The following ARMH3 variants were observed in gnomAD, a reference collection of about 807,000 sequenced individuals.
ARMH3 encodes armadillo-like helical domain-containing protein 3.
Under a neutral mutation model 99.1 loss-of-function variants are expected in ARMH3, and 60 were observed. That is an observed-to-expected ratio of 0.61 (90% CI 0.49 to 0.75). The LOEUF (loss-of-function observed/expected upper bound fraction) is 0.75. ARMH3 is among the 30% of genes least tolerant of loss of function. The pLI is 0.00. For missense variants in ARMH3, 679 were observed against 843.1 expected, an observed-to-expected ratio of 0.81 and a Z score of 2.41; for synonymous variants, 285 against 292.8, an observed-to-expected ratio of 0.97 and a Z score of 0.27.
chr10:101,944,970 CT>C (rs896973343), intron 22 of ARMH3, among the ~76,000 whole-genome samples: 4 of 152,178 alleles, frequency 2.6e-5, no homozygotes, highest in African/African-American at 9.6e-5. Flanking sequence ...ACAAAAATAT[CT>C]TTTTAAAAAA....
intron 24 of ARMH3, among the ~76,000 whole-genome samples, chr10:101,866,816 C>T (rs1320839330): frequency 6.6e-6 from 1 of 152,080 alleles, no homozygotes; most frequent in East Asian, 1.9e-4. Context: ...GGAGAAGCAG[C>T]CTCTGCCAAC....
intron 24 of ARMH3, among the ~76,000 whole-genome samples, chr10:101,885,970 T>C (rs1352151907): frequency 6.6e-6 from 1 of 151,892 alleles, no homozygotes. Flanking sequence ...CGCAGGAGAA[T>C]TGATTGAACC....
At chr10:101,860,082 C>T (rs1030245018) in intron 24 of ARMH3, among the ~76,000 whole-genome samples, 14 of 151,792 alleles carry the variant, frequency 9.2e-5, no homozygotes, top group Non-Finnish European at 1.8e-4. Context: ...GGAAAAAAAA[C>T]GGGGAAAGGG....
chr10:102,017,600 T>A (rs991404793), intron 8 of ARMH3, among the ~76,000 whole-genome samples: 1 of 152,160 alleles, frequency 6.6e-6, no homozygotes, highest in Non-Finnish European at 1.5e-5. Flanking sequence ...TCTTTAACTA[T>A]CCTCAGCATT....
At chr10:102,023,386 C>T (rs1278378952) in intron 8 of ARMH3, 91 bp downstream of exon 8, 48 of 1,143,444 alleles carry the variant, frequency 4.2e-5, no homozygotes, top group Non-Finnish European at 5.7e-5. Flanking sequence ...TTACCAAGAA[C>T]GTCTTCTACA....
At chr10:102,040,907 C>A (rs1225504499) in intron 1 of ARMH3, among the ~76,000 whole-genome samples, 1 of 151,794 alleles carries the variant, frequency 6.6e-6, no homozygotes, top group Non-Finnish European at 1.5e-5. Context: ...CTCGTCACTG[C>A]AAAGTACTTG....
At chr10:101,916,127 T>G (rs1843078050) in intron 23 of ARMH3, among the ~76,000 whole-genome samples, 1 of 151,966 alleles carries the variant, frequency 6.6e-6, no homozygotes, top group South Asian at 2.1e-4. Flanking sequence ...TAATACACAG[T>G]TCAACAGTAG....
chr10:101,911,861 C>T (rs1021533899), intron 23 of ARMH3, among the ~76,000 whole-genome samples: 6 of 152,082 alleles, frequency 3.9e-5, no homozygotes, highest in Non-Finnish European at 8.8e-5. Flanking sequence ...CATGGTGAAA[C>T]CCCATCTCTA....
rs573336375 is a variant in ARMH3 at position 102,044,098 on chromosome 10, T to C, written c.-11-3973A>G. ...CACCCAGCTAATTTTTTTCTTTTTTTTTTTTTTTTTTTGGAGACGGAGTCT... is the reference window on the plus strand; with the variant it reads ...CACCCAGCTAATTTTTTTCTTTTTTCTTTTTTTTTTTTGGAGACGGAGTCT... On this transcript the variant is annotated intron_variant, in intron 1 of 25. Transcript: ENST00000370033. Among the ~76,000 whole-genome samples, 391 of 148,916 alleles carry C rather than the reference T, an allele frequency of 2.6e-3. 2 individuals are homozygous for C. Among genetic ancestry groups the C allele is most frequent in the Non-Finnish European group, 4.3e-3 (291 of 67,016 alleles).
rs940239720 is a variant in ARMH3, at chr10:101,986,437, C to A, written c.1406+4114G>T. On this transcript the variant is annotated intron_variant, in intron 19 of 25. Coordinates refer to ENST00000370033, the MANE Select transcript of ARMH3 (RefSeq NM_024541.3). ...TTTGCTACCTCTTAACTGCTCCAGG[C>A]AAGACCTTTCTTTTTTTTTTTTTCT... 2.6e-5 allele frequency among the ~76,000 whole-genome samples: 4 copies of A among 151,904 alleles called. No individual in the cohort carries two copies. In the East Asian group the frequency reaches 7.7e-4, roughly 29 times the overall value.
intron 15 of ARMH3, among the ~76,000 whole-genome samples, chr10:102,001,016 C>T (rs1252633528): frequency 6.6e-6 from 1 of 151,980 alleles, no homozygotes; most frequent in Non-Finnish European, 1.5e-5. Context: ...AAGGTTTCAC[C>T]ATGTTGGCCA....
chr10:101,911,664 G>A (rs1463077414), intron 23 of ARMH3, among the ~76,000 whole-genome samples: 3 of 152,188 alleles, frequency 2.0e-5, no homozygotes, highest in Non-Finnish European at 2.9e-5. Flanking sequence ...CCAGGAGTTC[G>A]ATGTTGCAGT....
At chr10:101,979,927 T>C (rs189495907) in intron 19 of ARMH3, among the ~76,000 whole-genome samples, 21 of 152,340 alleles carry the variant, frequency 1.4e-4, no homozygotes, top group African/African-American at 4.3e-4. Context: ...TAGAGGTTTC[T>C]AAATGGCCTA....
intron 1 of ARMH3, among the ~76,000 whole-genome samples, chr10:102,054,816 C>T (rs1289598548): frequency 2.7e-5 from 4 of 149,858 alleles, no homozygotes; most frequent in Non-Finnish European, 5.9e-5. Flanking sequence ...GCCAACATGG[C>T]GAAACCCTGT....
chr10:102,023,725 T>G lies in ARMH3; in HGVS notation c.532A>C (p.Thr178Pro), dbSNP rs776567979. Residue 178 changes from threonine (T) to proline (P), a missense_variant, in exon 7 of 26, where the codon ACT becomes CCT. By Grantham distance (38) the Thr-to-Pro change is conservative (BLOSUM62 -1). Transcript: ENST00000370033. Reference sequence around the variant, plus strand: ...TTGATCATTACATACTCGAGAATAGTGTTCTGGCTGATGTTATCTGTCACC... The same window carrying G: ...TTGATCATTACATACTCGAGAATAGGGTTCTGGCTGATGTTATCTGTCACC... ...VTVTDNISQN[T>P]ILEYVMINSI... 1 of 1,614,170 alleles carries G rather than the reference T, an allele frequency of 6.2e-7. No homozygotes were observed. The highest frequency in any genetic ancestry group is 2.2e-5 in the East Asian group (1 of 44,886).
intron 16 of ARMH3, 134 bp from the exon 17 acceptor site, chr10:101,993,737 T>C: frequency 5.4e-6 from 3 of 552,468 alleles, no homozygotes; most frequent in Admixed American, 7.6e-5. Context: ...AGGATGAGCC[T>C]AGAGCCTTAT....
intron 24 of ARMH3, among the ~76,000 whole-genome samples, chr10:101,864,042 C>A: frequency 8.0e-6 from 1 of 124,420 alleles, no homozygotes; most frequent in South Asian, 2.6e-4. Context: ...GCCTGGGCAA[C>A]AGAGCAAGAC....
chr10:102,022,491 T>TAAAA (rs745889967), intron 8 of ARMH3, among the ~76,000 whole-genome samples: 2 of 85,364 alleles, frequency 2.3e-5, no homozygotes, highest in South Asian at 8.1e-4. Context: ...GACTCTGACT[T>TAAAA]AAAAAAAAAA....
At chr10:102,051,992 CCA>C (rs1455434978) in intron 1 of ARMH3, among the ~76,000 whole-genome samples, 1 of 152,098 alleles carries the variant, frequency 6.6e-6, no homozygotes, top group Non-Finnish European at 1.5e-5. Flanking sequence ...TGATTAGAAA[CCA>C]CATTTTCTGA....
Sources: gnomAD v4.1 joint callset for allele counts (sites outside exome capture counted in the v4.1 genomes callset) on GRCh38, gnomAD v4.1.1 for gene constraint, MANE v1.5 for transcripts, NCBI Gene and HGNC (gene_info 2026-07-23, HGNC 2026-07-21) for gene names.